The following CAPN15 variants were observed in gnomAD, a reference collection of about 807,000 sequenced individuals.
CAPN15 encodes calpain 15.
A neutral mutation model predicts 97.9 loss-of-function variants in CAPN15; 53 were observed. The ratio of observed to expected loss-of-function variants is 0.54; its 90% CI spans 0.43 to 0.68. The LOEUF (loss-of-function observed/expected upper bound fraction) is 0.68. Among genes scored for constraint, CAPN15 ranks in the 30% least tolerant of loss-of-function variants. The pLI, the probability that CAPN15 is intolerant of heterozygous loss-of-function variation, is 0.00. For synonymous variants in CAPN15, 922 were observed against 722.5 expected (o/e 1.28, Z -4.43); for missense variants, 1,592 against 1,589.8 (o/e 1.00, Z -0.02).
At chr16:543,851 C>T (rs1279910568) in intron 3 of CAPN15, among the ~76,000 whole-genome samples, 1 of 152,204 alleles carries the variant, frequency 6.6e-6, no homozygotes, top group Non-Finnish European at 1.5e-5. Context: ...GGCTCGCTGC[C>T]CTGGTGGCCG....
intron 1 of CAPN15, among the ~76,000 whole-genome samples, chr16:530,709 C>T (rs750369209): frequency 1.3e-5 from 2 of 152,216 alleles, no homozygotes; most frequent in Admixed American, 6.5e-5. Flanking sequence ...GGGGCTGCTG[C>T]TGGGCCCACA....
At chr16:538,799 G>C (rs2033902035) in intron 3 of CAPN15, 1 of 152,156 alleles carries the variant, frequency 6.6e-6, no homozygotes, top group East Asian at 1.9e-4. Flanking sequence ...TCAGAGCACT[G>C]ACTGGAAAGG....
intron 1 of CAPN15, among the ~76,000 whole-genome samples, 172 bp from the exon 2 acceptor site, chr16:533,766 GCGCTCGGA>G (rs1308292251): frequency 2.0e-5 from 3 of 152,202 alleles, no homozygotes; most frequent in Admixed American, 1.3e-4. Context: ...GCTGCCTTTG[GCGCTCGGA>G]CAGACACCCA....
chr16:550,866 CGGTG>C (rs2034980841), intron 7 of CAPN15, among the ~76,000 whole-genome samples: 2 of 105,126 alleles, frequency 1.9e-5, no homozygotes, highest in Admixed American at 9.6e-5. Context: ...GGGTCCCGGT[CGGTG>C]AGGGTCCCCT....
chr16:551,093 G>A (rs1217137897), intron 7 of CAPN15, among the ~76,000 whole-genome samples: 11 of 106,860 alleles, frequency 1.0e-4, no homozygotes, highest in East Asian at 6.1e-4. Flanking sequence ...TGAGGGCCCC[G>A]GTCGGTGAGG....
chr16:537,430 A>G, intron 3 of CAPN15: 1 of 985,702 alleles, frequency 1.0e-6, no homozygotes, highest in Non-Finnish European at 1.2e-6. Context: ...CCCAGGTGCC[A>G]CGTGGGTGAG....
chr16:539,042 G>C (rs1180824329), intron 3 of CAPN15: 4 of 152,150 alleles, frequency 2.6e-5, no homozygotes, highest in Admixed American at 2.6e-4. Flanking sequence ...AGGTCTACAG[G>C]TGCACACCAC....
chr16:529,892 GAC>G (rs1432066369), intron 1 of CAPN15, among the ~76,000 whole-genome samples: 17 of 152,170 alleles, frequency 1.1e-4, no homozygotes, highest in Middle Eastern at 3.2e-3. Context: ...TTCCTCATAA[GAC>G]ACAGAAGAAG....
chr16:553,695 C>T lies in CAPN15; in HGVS notation c.*179C>T. 2 of 508,802 alleles carry T rather than the reference C, an allele frequency of 3.9e-6. No homozygotes were observed. Among genetic ancestry groups the T allele is most frequent in the Non-Finnish European group, 6.9e-6 (2 of 290,400 alleles). The allele number at this position is 508,802 out of a possible 1,614,324, so 31.5% of individuals were successfully genotyped here. On this transcript the variant is annotated 3_prime_UTR_variant, in exon 14 of 14. Transcript: ENST00000219611. ...CGCCCCCCTCCTTCCCCTCCCTGAA[C>T]CCCACAGTCCGCCTGGCCAGGCCTC...
At chr16:540,083 C>T (rs1425651455) in intron 3 of CAPN15, 1 of 985,266 alleles carries the variant, frequency 1.0e-6, no homozygotes, top group East Asian at 1.1e-4. Flanking sequence ...TTGTGTGTCA[C>T]TCTGCCCAGC....
rs2032950651 is a variant in CAPN15 at position 527,768 on chromosome 16, G to A, written c.-451G>A. On this transcript the variant is annotated 5_prime_UTR_variant, in exon 1 of 14. Coordinates refer to ENST00000219611, the MANE Select transcript of CAPN15 (RefSeq NM_005632.3). Reference sequence around the variant, plus strand: ...TGCGCCCCGGGCGCGCCGTAGCCGCGGGGCCCGGGCCGGGCGCTACGCTAC... The same window carrying A: ...TGCGCCCCGGGCGCGCCGTAGCCGCAGGGCCCGGGCCGGGCGCTACGCTAC... 6.7e-6 allele frequency: 1 copy of A among 149,774 alleles called. No individual in the cohort carries two copies. The highest frequency in any genetic ancestry group is 3.4e-3 in the Middle Eastern group (1 of 292). The allele number at this position is 149,774 out of a possible 1,614,324, so 9.3% of individuals were successfully genotyped here.
intron 3 of CAPN15, chr16:540,246 C>A (rs1394319273): frequency 4.1e-6 from 4 of 985,358 alleles, no homozygotes; most frequent in Non-Finnish European, 4.8e-6. Context: ...ACAGCTTCCC[C>A]GGGGGACCGC....
At position 535,446 on chromosome 16, in the gene CAPN15, G is replaced by T. The variant is rs892655619; in HGVS notation, c.-136-583G>T. On this transcript the variant is annotated intron_variant, in intron 2 of 13. Coordinates refer to ENST00000219611, the MANE Select transcript of CAPN15 (RefSeq NM_005632.3). The surrounding 1 kb of genome is among the most constrained non-coding windows in gnomAD (Gnocchi z 6.2). ...GGGTGTGTGTGTGGCATACAGGACA[G>T]GGACCGGCCAGTTGGCCCTGCTCAT... 1.9e-5 allele frequency: 3 copies of T among 154,266 alleles called. No individual in the cohort carries two copies. Among genetic ancestry groups the T allele is most frequent in the Non-Finnish European group, 4.4e-5 (3 of 68,100 alleles). The allele number at this position is 154,266 out of a possible 1,614,324, so 9.6% of individuals were successfully genotyped here.
intron 6 of CAPN15, 25 bp downstream of exon 6, chr16:549,496 CG>C: frequency 2.9e-6 from 4 of 1,361,362 alleles, no homozygotes; most frequent in Non-Finnish European, 2.9e-6. Context: ...AGGGTGGGCA[CG>C]GGCGGCAGGG....
chr16:544,476 G>A (rs917672436), intron 3 of CAPN15, among the ~76,000 whole-genome samples: 8 of 152,234 alleles, frequency 5.3e-5, no homozygotes, highest in South Asian at 2.1e-4. Flanking sequence ...ACAGGCCCGC[G>A]GCCTCCACGC....
At chr16:532,098 G>A (rs893188596) in intron 1 of CAPN15, among the ~76,000 whole-genome samples, 13 of 151,916 alleles carry the variant, frequency 8.6e-5, no homozygotes, top group Admixed American at 8.5e-4. Flanking sequence ...AAATTAGCTG[G>A]GTGTGGTGGT....
chr16:531,666 C>A (rs1033528961), intron 1 of CAPN15, among the ~76,000 whole-genome samples: 1 of 145,524 alleles, frequency 6.9e-6, no homozygotes, highest in African/African-American at 2.7e-5. Flanking sequence ...GCCTCCGTCT[C>A]CCTCTCTGGG....
intron 3 of CAPN15, chr16:537,568 C>T (rs1027645542): frequency 8.9e-5 from 39 of 439,408 alleles, no homozygotes; most frequent in African/African-American, 7.3e-4. Flanking sequence ...GCTTCTGTCC[C>T]GTGGCACCTC....
chr16:546,102 A>C (rs1295886165), intron 3 of CAPN15, among the ~76,000 whole-genome samples: 1 of 152,182 alleles, frequency 6.6e-6, no homozygotes, highest in African/African-American at 2.4e-5. Flanking sequence ...CCACTCTGCC[A>C]GGGGCAGCTC....
Sources: gnomAD v4.1 joint callset for allele counts (sites outside exome capture counted in the v4.1 genomes callset) on GRCh38, gnomAD v4.1.1 for gene constraint, Gnocchi (gnomAD v3.1) non-coding constraint, MANE v1.5 for transcripts, NCBI Gene and HGNC (gene_info 2026-07-23, HGNC 2026-07-21) for gene names.